The following SKI variants were observed in gnomAD, a reference collection of about 807,000 sequenced individuals.
The protein encoded by SKI is ski oncogene.
SKI carries 23 observed loss-of-function variants against 59.3 expected under a neutral mutation model. The ratio of observed to expected loss-of-function variants is 0.39; its 90% CI spans 0.28 to 0.55. The LOEUF is 0.55. SKI is among the 20% of genes least tolerant of loss of function. SKI has a pLI of 0.67. For synonymous variants in SKI, 673 were observed against 488.6 expected, an observed-to-expected ratio of 1.38 and a Z score of -4.98; for missense variants, 1,017 against 1,038.9, an observed-to-expected ratio of 0.98 and a Z score of 0.29.
At chr1:2,230,445 C>G (rs75614142) in intron 1 of SKI, among the ~76,000 whole-genome samples, 1,928 of 152,296 alleles carry the variant, frequency 0.013, 50 homozygotes, top group African/African-American at 0.044. Flanking sequence ...CCATTTGGCA[C>G]CCGGCTGAGG....
intron 1 of SKI, among the ~76,000 whole-genome samples, chr1:2,302,463 G>C (rs758938675): frequency 6.6e-6 from 1 of 152,090 alleles, no homozygotes; most frequent in Non-Finnish European, 1.5e-5. Context: ...CCCTCCCCGC[G>C]ACCACCCCTG....
chr1:2,238,432 G>A (rs929620414), intron 1 of SKI, among the ~76,000 whole-genome samples: 2 of 152,250 alleles, frequency 1.3e-5, no homozygotes, highest in Admixed American at 6.5e-5. Flanking sequence ...CCATGGCACC[G>A]GTTGGGCCTC....
intron 1 of SKI, among the ~76,000 whole-genome samples, chr1:2,296,236 AAAC>A (rs1403774776): frequency 6.6e-6 from 1 of 151,958 alleles, no homozygotes; most frequent in Non-Finnish European, 1.5e-5. Context: ...AAAAAAAAAA[AAAC>A]AAAAAATTAG....
chr1:2,250,615 T>G (rs1639124499), intron 1 of SKI, among the ~76,000 whole-genome samples: 1 of 152,252 alleles, frequency 6.6e-6, no homozygotes, highest in African/African-American at 2.4e-5. Context: ...AGAGAATGTT[T>G]CAGTCAGTGG....
rs1239087153 is a variant in SKI at position 2,228,586 on chromosome 1, C to G, written c.-181C>G. ...GGCTCCAGCGGCGGGACCCCTTCGC[C>G]CCGCCCGCCTTCCCCTTCGCGCCCC... On this transcript the variant is annotated 5_prime_UTR_variant, in exon 1 of 7. Transcript: ENST00000378536. 3.9e-5 allele frequency: 6 copies of G among 153,054 alleles called. No individual in the cohort carries two copies. The East Asian group carries it at 1.1e-3, about 27-fold the overall frequency. 9.5% of individuals were successfully genotyped at this position (153,054 alleles called of 1,614,324 possible). A position where few individuals can be genotyped will look rare whatever the true frequency, so the allele number is the denominator to read the frequency against.
At chr1:2,250,320 C>A (rs771226951) in intron 1 of SKI, among the ~76,000 whole-genome samples, 3 of 152,194 alleles carry the variant, frequency 2.0e-5, no homozygotes, top group Non-Finnish European at 4.4e-5. Flanking sequence ...GCTCTCTGGC[C>A]GTCCCAGAAC....
intron 1 of SKI, among the ~76,000 whole-genome samples, chr1:2,298,441 C>T (rs892824275): frequency 1.1e-4 from 17 of 152,336 alleles, no homozygotes; most frequent in Non-Finnish European, 1.6e-4. Flanking sequence ...CCTGGATTGG[C>T]TGCCCATGCT....
intron 1 of SKI, among the ~76,000 whole-genome samples, chr1:2,274,247 A>G (rs1160683335): frequency 6.6e-6 from 1 of 152,024 alleles, no homozygotes; most frequent in Non-Finnish European, 1.5e-5. Flanking sequence ...TGGTTAAATA[A>G]AGACACAAAC....
In SKI at chr1:2,297,264, G is replaced by A. The variant is rs139104488; in HGVS notation, c.970-5714G>A. Among the ~76,000 whole-genome samples, 28 of 152,246 alleles carry A rather than the reference G, an allele frequency of 1.8e-4. No homozygotes were observed. In the East Asian group the frequency reaches 5.4e-3, roughly 29 times the overall value. ...TGGCATTACAGGCATAAGCCACCAC[G>A]CCGGGCCCACGGCTGAAGTTTGGGT... On this transcript the variant is annotated intron_variant, in intron 1 of 6. Coordinates refer to ENST00000378536, the MANE Select transcript of SKI (RefSeq NM_003036.4).
chr1:2,252,585 T>TACAG (rs1639188283), intron 1 of SKI, among the ~76,000 whole-genome samples: 1 of 141,336 alleles, frequency 7.1e-6, no homozygotes, highest in African/African-American at 2.6e-5. Flanking sequence ...GCGGAGCAGG[T>TACAG]ACAGCTCAGG....
At chr1:2,280,365 G>A (rs1244546187) in intron 1 of SKI, among the ~76,000 whole-genome samples, 1 of 146,716 alleles carries the variant, frequency 6.8e-6, no homozygotes, top group Non-Finnish European at 1.5e-5. Flanking sequence ...GACAGAGCAA[G>A]CGTCTGTCTC....
At chr1:2,280,183 T>G in intron 1 of SKI, among the ~76,000 whole-genome samples, 1 of 151,198 alleles carries the variant, frequency 6.6e-6, no homozygotes, top group East Asian at 1.9e-4. Flanking sequence ...GCCTGGCTGA[T>G]ATGGTGAAAC....
Position 2,306,045 on chromosome 1 carries a change from A to G in SKI, c.1793A>G (p.Lys598Arg). ...HQELEFLRVA[K>R]KEKLREATEA... ...GAGCTGGAGTTCCTACGCGTGGCCA[A>G]GAAGGAGAAGCTGCGGGAGGCCACG... The change falls in exon 6 of 7, where the codon AAG becomes AGG. Residue 598 changes from lysine to arginine, a missense_variant. By Grantham distance (26) the Lys-to-Arg change is conservative (BLOSUM62 2). Transcript: ENST00000378536. The G allele has an allele frequency of 6.3e-7, 1 of 1,594,632 alleles. No homozygotes were observed. The highest frequency in any genetic ancestry group is 8.5e-7 in the Non-Finnish European group (1 of 1,172,452).
chr1:2,240,833 G>A (rs1037847896), intron 1 of SKI: 1 of 983,038 alleles, frequency 1.0e-6, no homozygotes, highest in African/African-American at 1.7e-5. Flanking sequence ...GAAAATCCGT[G>A]CTGCCCAGTG....
intron 1 of SKI, among the ~76,000 whole-genome samples, chr1:2,235,225 G>C (rs996601628): frequency 2.0e-5 from 3 of 152,062 alleles, no homozygotes; most frequent in African/African-American, 7.2e-5. Flanking sequence ...TGTATTTTTA[G>C]TAGAGATGGG....
chr1:2,259,317 C>T (rs1193644496), intron 1 of SKI, among the ~76,000 whole-genome samples: 1 of 152,200 alleles, frequency 6.6e-6, no homozygotes, highest in South Asian at 2.1e-4. Flanking sequence ...AAAACACTTG[C>T]AGGTTCCTGA....
intron 1 of SKI, among the ~76,000 whole-genome samples, chr1:2,233,242 G>T (rs1347525772): frequency 6.8e-6 from 1 of 147,942 alleles, no homozygotes; most frequent in Non-Finnish European, 1.5e-5. Context: ...GGTGGGGGGG[G>T]TCCTGTTCCC....
At chr1:2,277,845 C>T (rs544092517) in intron 1 of SKI, among the ~76,000 whole-genome samples, 9 of 150,406 alleles carry the variant, frequency 6.0e-5, no homozygotes, top group African/African-American at 1.2e-4. Context: ...CACTCAGGAC[C>T]GACGGACATA....
At chr1:2,249,506 C>G (rs1639074316) in intron 1 of SKI, among the ~76,000 whole-genome samples, 1 of 152,230 alleles carries the variant, frequency 6.6e-6, no homozygotes, top group East Asian at 1.9e-4. Context: ...GGCTCCTCAC[C>G]CATGGTGTGG....
Sources: allele counts gnomAD v4.1 joint callset (sites outside exome capture counted in the v4.1 genomes callset), GRCh38; gene constraint gnomAD v4.1.1; transcripts MANE v1.5; gene names NCBI Gene and HGNC (gene_info 2026-07-23, HGNC 2026-07-21).